The following PCNX2 variants were observed in gnomAD, a reference collection of about 807,000 sequenced individuals.
PCNX2 encodes the protein pecanex-like protein 2.
PCNX2 carries 168 observed loss-of-function variants against 223.8 expected under a neutral mutation model. The ratio of observed to expected loss-of-function variants is 0.75; its 90% confidence interval spans 0.66 to 0.85. The LOEUF is 0.85. PCNX2 is among the 40% of genes least tolerant of loss of function. The pLI is 0.00. For missense variants in PCNX2, 2,507 were observed against 2,675.5 expected (o/e 0.94, Z 1.39); for synonymous variants, 1,006 against 1,052.6 (o/e 0.96, Z 0.86).
intron 10 of PCNX2, among the ~76,000 whole-genome samples, chr1:233,224,100 C>A (rs1003936013): frequency 3.9e-5 from 6 of 152,166 alleles, no homozygotes; most frequent in African/African-American, 1.4e-4. Context: ...GTGCCCAGTA[C>A]AGATCCTAGC....
chr1:233,037,784 C>A (rs1448658955), intron 25 of PCNX2, among the ~76,000 whole-genome samples: 1 of 152,198 alleles, frequency 6.6e-6, no homozygotes, highest in Non-Finnish European at 1.5e-5. Context: ...TCCCAAGGAG[C>A]CTCACATTCT....
chr1:233,308,713 A>C, the PCNX2 span, among the ~76,000 whole-genome samples: 1 of 152,174 alleles, frequency 6.6e-6, no homozygotes, highest in Non-Finnish European at 1.5e-5. Context: ...AAAAAGATTA[A>C]ATTAACATGT....
the PCNX2 span, among the ~76,000 whole-genome samples, chr1:233,311,301 C>A: frequency 1.3e-5 from 2 of 152,304 alleles, no homozygotes; most frequent in African/African-American, 4.8e-5. Context: ...AACTAAGGAA[C>A]AAGGAGTCAT....
intron 25 of PCNX2, among the ~76,000 whole-genome samples, chr1:233,051,442 C>A (rs1672002351): frequency 6.6e-6 from 1 of 152,084 alleles, no homozygotes; most frequent in Admixed American, 6.5e-5. Context: ...ATGGAATCAA[C>A]CTAGGTGCCC....
At chr1:233,123,665 A>T (rs1032654930) in intron 21 of PCNX2, among the ~76,000 whole-genome samples, 7 of 152,224 alleles carry the variant, frequency 4.6e-5, no homozygotes, top group African/African-American at 1.7e-4. Context: ...TGCTTAAGTT[A>T]ATGACTTGAT....
intron 8 of PCNX2, 79 bp downstream of exon 8, chr1:233,250,660 A>G: frequency 1.4e-6 from 2 of 1,464,664 alleles, no homozygotes; most frequent in Non-Finnish European, 1.8e-6. Context: ...CTTCTAAACC[A>G]GAATCCTCAC....
chr1:233,244,019 C>T lies in PCNX2; in HGVS notation c.2222+6720G>A, dbSNP rs141475367. ...GCTAATTTTTTATTTTTAGTAGAGA[C>T]GGGGTTTCACTATGTTGATCAGGCT... On this transcript the variant is annotated intron_variant, in intron 8 of 33. Transcript: ENST00000258229. 7.1e-3 allele frequency among the ~76,000 whole-genome samples: 1,073 copies of T among 152,082 alleles called. 11 individuals are homozygous for T. Among genetic ancestry groups the T allele is most frequent in the African/African-American group, 0.024 (1,009 of 41,480 alleles).
intron 4 of PCNX2, chr1:233,260,053 A>G (rs1659967457): frequency 6.3e-6 from 1 of 159,348 alleles, no homozygotes; most frequent in Non-Finnish European, 1.3e-5. Flanking sequence ...AGATTTTGTT[A>G]TCCACGGGGG....
intron 2 of PCNX2, among the ~76,000 whole-genome samples, chr1:233,262,532 G>A (rs528801486): frequency 1.3e-5 from 2 of 152,236 alleles, no homozygotes; most frequent in African/African-American, 4.8e-5. Context: ...AATAATACAA[G>A]AATGGTGAAA....
intron 17 of PCNX2, among the ~76,000 whole-genome samples, chr1:233,162,980 A>G (rs1363023907): frequency 2.0e-5 from 3 of 152,178 alleles, no homozygotes; most frequent in Non-Finnish European, 4.4e-5. Flanking sequence ...AATGAGCTCG[A>G]ATTATTATTA....
chr1:233,168,181 TATTC>T (rs1199351177), intron 17 of PCNX2, among the ~76,000 whole-genome samples: 1 of 152,154 alleles, frequency 6.6e-6, no homozygotes. Flanking sequence ...TAATTTTTAT[TATTC>T]ATTAAGTTTC....
At chr1:233,223,801 A>T (rs546868332) in intron 10 of PCNX2, among the ~76,000 whole-genome samples, 1 of 152,322 alleles carries the variant, frequency 6.6e-6, no homozygotes, top group South Asian at 2.1e-4. Flanking sequence ...GTGTGTTCTC[A>T]TGGTAACTGA....
intron 32 of PCNX2, among the ~76,000 whole-genome samples, chr1:232,997,752 T>C (rs940737956): frequency 3.9e-5 from 6 of 152,222 alleles, no homozygotes; most frequent in Non-Finnish European, 7.3e-5. Context: ...CCTAGGTTCC[T>C]ATCTGTGGGC....
intron 13 of PCNX2, among the ~76,000 whole-genome samples, chr1:233,200,978 A>T (rs1681059407): frequency 7.1e-6 from 1 of 141,420 alleles, no homozygotes. Flanking sequence ...GTGAGCCGAG[A>T]TTGCACCACT....
chr1:233,117,473 T>C (rs1675478583), intron 21 of PCNX2, among the ~76,000 whole-genome samples: 1 of 149,454 alleles, frequency 6.7e-6, no homozygotes, highest in Non-Finnish European at 1.5e-5. Context: ...GTACTAAAAA[T>C]ACAAAAAATT....
At chr1:233,198,676 C>T (rs1206418133) in intron 15 of PCNX2, among the ~76,000 whole-genome samples, 1 of 152,120 alleles carries the variant, frequency 6.6e-6, no homozygotes, top group Non-Finnish European at 1.5e-5. Context: ...CAGCCCCTCC[C>T]ACTGTCACTA....
At chr1:233,286,859 G>C (rs151264600) in intron 1 of PCNX2, among the ~76,000 whole-genome samples, 142 of 152,258 alleles carry the variant, frequency 9.3e-4, no homozygotes, top group African/African-American at 3.2e-3. Flanking sequence ...GGGAGGAAGA[G>C]AGCAAGAAAG....
intron 15 of PCNX2, among the ~76,000 whole-genome samples, chr1:233,189,581 T>G (rs1325954340): frequency 6.6e-6 from 1 of 152,124 alleles, no homozygotes; most frequent in African/African-American, 2.4e-5. Flanking sequence ...TATCTAGAAC[T>G]ATGAGTTTGT....
At chr1:233,031,222 C>T (rs1397400432) in intron 25 of PCNX2, among the ~76,000 whole-genome samples, 1 of 152,178 alleles carries the variant, frequency 6.6e-6, no homozygotes, top group Non-Finnish European at 1.5e-5. Flanking sequence ...TGGTTATTCA[C>T]TCATGGCCAA....
Sources: gnomAD v4.1 joint callset for allele counts (sites outside exome capture counted in the v4.1 genomes callset) on GRCh38, gnomAD v4.1.1 for gene constraint, MANE v1.5 for transcripts, NCBI Gene and HGNC (gene_info 2026-07-23, HGNC 2026-07-21) for gene names.